INTS6: variants seen among roughly 807,000 people sequenced by gnomAD.
INTS6 encodes the protein DEAD box protein.
In INTS6, 16 loss-of-function variants were observed where a neutral mutation model predicts 104.9. The ratio of observed to expected loss-of-function variants is 0.15; its 90% CI spans 0.10 to 0.23. INTS6 has a LOEUF of 0.23. Ranked by LOEUF, INTS6 falls within the 10% of genes least tolerant of loss-of-function variation. The pLI is 1.00. For synonymous variants in INTS6, 324 were observed against 358.7 expected (o/e 0.90, Z 1.09); for missense variants, 584 against 1,062.8 (o/e 0.55, Z 6.26).
At chr13:51,435,418 AC>A (rs1957168918) in intron 3 of INTS6, among the ~76,000 whole-genome samples, 1 of 151,980 alleles carries the variant, frequency 6.6e-6, no homozygotes, top group Non-Finnish European at 1.5e-5. Context: ...ATAAAGCAAA[AC>A]CTTTTACTTC....
intron 4 of INTS6, among the ~76,000 whole-genome samples, chr13:51,399,696 T>C (rs1329198921): frequency 1.3e-5 from 2 of 151,344 alleles, no homozygotes; most frequent in Non-Finnish European, 3.0e-5. Context: ...TTTTTCATGT[T>C]AGCCATTGTG....
chr13:51,395,468 T>G lies in INTS6; in HGVS notation c.445A>C (p.Asn149His). ...GVQDELHLPL[N>H]SPLPGSELTK... is the part of the protein sequence containing the mutation. ...AATTCACTTCCAGGCAAAGGAGAAT[T>G]AAGAGGTAAATGAAGCTGAAAGTAG... The change falls in exon 5 of 18, where the codon AAT becomes CAT. Residue 149 changes from asparagine (N) to histidine (H), a missense_variant. Physicochemically the swap from Asn to His is moderately conservative, Grantham distance 68 (BLOSUM62 1). Transcript: ENST00000311234. 6.2e-7 allele frequency: 1 copy of G among 1,611,010 alleles called. No individual in the cohort carries two copies. Among genetic ancestry groups the G allele is most frequent in the South Asian group, 1.1e-5 (1 of 90,290 alleles).
At chr13:51,385,829 T>C (rs1338407232) in intron 7 of INTS6, among the ~76,000 whole-genome samples, 2 of 152,160 alleles carry the variant, frequency 1.3e-5, no homozygotes, top group Non-Finnish European at 2.9e-5. Flanking sequence ...ATCTCTTACG[T>C]GAACCATATC....
At chr13:51,345,340 G>A in the INTS6 span, among the ~76,000 whole-genome samples, 1 of 152,132 alleles carries the variant, frequency 6.6e-6, no homozygotes, top group Non-Finnish European at 1.5e-5. Context: ...TGGTTAAAAA[G>A]CAAAATAGGA....
chr13:51,444,002 A>G (rs903058050), intron 3 of INTS6: 1 of 152,228 alleles, frequency 6.6e-6, no homozygotes, highest in Non-Finnish European at 1.5e-5. Flanking sequence ...TATATAATAC[A>G]TAATTATCGA....
intron 4 of INTS6, among the ~76,000 whole-genome samples, chr13:51,426,015 C>A (rs1195591996): frequency 1.3e-5 from 2 of 151,678 alleles, no homozygotes; most frequent in Non-Finnish European, 2.9e-5. Flanking sequence ...TCCAAGTAAT[C>A]ATCAGAAATC....
chr13:51,344,548 C>A, the INTS6 span: 1 of 1,344,720 alleles, frequency 7.4e-7, no homozygotes, highest in Non-Finnish European at 1.0e-6. Flanking sequence ...AGAGTCTCAC[C>A]CATCACTTGT....
chr13:51,374,092 T>C, intron 15 of INTS6, 116 bp downstream of exon 15: 1 of 730,296 alleles, frequency 1.4e-6, no homozygotes, highest in South Asian at 1.9e-5. Context: ...TTTCTATACA[T>C]TCATTCACTC....
chr13:51,412,396 T>G (rs1321101506), intron 4 of INTS6, among the ~76,000 whole-genome samples: 1 of 152,166 alleles, frequency 6.6e-6, no homozygotes, highest in African/African-American at 2.4e-5. Context: ...GGTTCTAGAA[T>G]GCAAATGCCA....
chr13:51,341,099 C>T, the INTS6 span: 1 of 1,613,886 alleles, frequency 6.2e-7, no homozygotes, highest in South Asian at 1.1e-5. Context: ...TCCATGCCGC[C>T]TTTCCTGATC....
intron 15 of INTS6, among the ~76,000 whole-genome samples, chr13:51,373,625 T>C (rs1016954214): frequency 1.3e-5 from 2 of 152,244 alleles, no homozygotes; most frequent in African/African-American, 2.4e-5. Context: ...GCACATACTA[T>C]TGCTCCAGCA....
chr13:51,397,113 C>T (rs140998142), intron 4 of INTS6, among the ~76,000 whole-genome samples: 5 of 152,102 alleles, frequency 3.3e-5, no homozygotes, highest in Non-Finnish European at 5.9e-5. Flanking sequence ...ATACTAATTT[C>T]TTCACAAAGC....
intron 3 of INTS6, chr13:51,441,939 G>C (rs2138143832): frequency 6.6e-6 from 1 of 151,558 alleles, no homozygotes; most frequent in East Asian, 1.9e-4. Context: ...TCCTGCCTCA[G>C]CCACCTGAGT....
chr13:51,424,016 AC>A (rs1375836488), intron 4 of INTS6, among the ~76,000 whole-genome samples: 2 of 152,084 alleles, frequency 1.3e-5, no homozygotes, highest in Non-Finnish European at 2.9e-5. Context: ...TATAAGGCAC[AC>A]CAGGTGATTT....
Position 51,405,965 on chromosome 13 carries a change from C to G in INTS6, c.430-10482G>C, listed in dbSNP as rs61956946. On this transcript the variant is annotated intron_variant, in intron 4 of 17. Coordinates refer to ENST00000311234, the MANE Select transcript of INTS6 (RefSeq NM_012141.3). ...TTAAATCCATTGGAGATTTTCAAAT[C>G]TGGCTTCCAAGCAGCATTCAAAACT... is the stretch of plus-strand genomic sequence containing the variant. Among the ~76,000 whole-genome samples, 1,082 of 152,324 alleles carry G rather than the reference C, an allele frequency of 7.1e-3. 9 individuals are homozygous for G. The highest frequency in any genetic ancestry group is 0.012 in the Non-Finnish European group (828 of 68,030).
At chr13:51,430,589 G>GATTAGGTAGGGATTAGGT (rs1299727790) in intron 3 of INTS6, among the ~76,000 whole-genome samples, 1 of 152,206 alleles carries the variant, frequency 6.6e-6, no homozygotes, top group African/African-American at 2.4e-5. Flanking sequence ...GGATTAGGTA[G>GATTAGGTAGGGATTAGGT]AGAAAGAGGT....
chr13:51,450,116 T>C, intron 3 of INTS6: 1 of 985,416 alleles, frequency 1.0e-6, no homozygotes, highest in Non-Finnish European at 1.2e-6. Flanking sequence ...ACTGTGGGAC[T>C]TGGGAAAATA....
At position 51,365,756 on chromosome 13, in the gene INTS6, T is replaced by C. The variant is rs1472180532; in HGVS notation, c.2660A>G (p.Asn887Ser). 5 of 1,534,312 alleles carry C rather than the reference T, an allele frequency of 3.3e-6. No homozygotes were observed. The East Asian group carries it at 1.1e-4, about 35-fold the overall frequency. The change falls in exon 18 of 18, where the codon AAT becomes AGT. Residue 887 changes from asparagine (N) to serine (S), a missense_variant. Around this residue, in one of 5 missense-constraint regions of INTS6, gnomAD observed 296 missense variants for 437.0 expected, o/e 0.68. Coordinates refer to ENST00000311234, the MANE Select transcript of INTS6 (RefSeq NM_012141.3). ...GTGGCCACATTCTATTTTCTTTTAA[T>C]TGCTATTAATATGGTTGATCTGATT... is the stretch of plus-strand genomic sequence containing the variant. ...RANQINHINSN is the reference protein window; with the variant it reads ...RANQINHINSS
chr13:51,377,538 T>C (rs759059619), intron 12 of INTS6, among the ~76,000 whole-genome samples: 93 of 152,276 alleles, frequency 6.1e-4, no homozygotes, highest in Admixed American at 1.2e-3. Flanking sequence ...TTATTTTGCA[T>C]ATGGATATCC....
Sources: gnomAD v4.1 joint callset for allele counts (sites outside exome capture counted in the v4.1 genomes callset) on GRCh38, gnomAD v4.1.1 for gene constraint, gnomAD v4.1.1 regional missense constraint, MANE v1.5 for transcripts, NCBI Gene and HGNC (gene_info 2026-07-23, HGNC 2026-07-21) for gene names.